The following ZHX2 variants were observed in gnomAD, a reference collection of about 807,000 sequenced individuals.
ZHX2 encodes the protein zinc fingers and homeoboxes 2.
ZHX2 carries 6 observed loss-of-function variants against 21.9 expected under a neutral mutation model. The observed-to-expected ratio is 0.27, with a 90% CI of 0.15 to 0.54. The LOEUF (loss-of-function observed/expected upper bound fraction) is 0.54. ZHX2 is among the 20% of genes least tolerant of loss of function. ZHX2 has a pLI of 0.95. For missense variants in ZHX2, 908 were observed against 1,090.7 expected, an observed-to-expected ratio of 0.83 and a Z score of 2.36; for synonymous variants, 434 against 437.1, an observed-to-expected ratio of 0.99 and a Z score of 0.09.
chr8:122,874,428 G>T (rs1261501147), intron 2 of ZHX2, among the ~76,000 whole-genome samples: 1 of 152,216 alleles, frequency 6.6e-6, no homozygotes, highest in Admixed American at 6.5e-5. Context: ...CGCCTCCTGG[G>T]GTTCAAGCAA....
chr8:122,867,724 A>C (rs1456205132), intron 2 of ZHX2, among the ~76,000 whole-genome samples: 1 of 152,204 alleles, frequency 6.6e-6, no homozygotes, highest in Non-Finnish European at 1.5e-5. Context: ...TGGGAGAGTA[A>C]ATGAGATAAA....
chr8:122,917,075 G>T (rs565967301), intron 2 of ZHX2, among the ~76,000 whole-genome samples: 1 of 152,028 alleles, frequency 6.6e-6, no homozygotes, highest in South Asian at 2.1e-4. Flanking sequence ...GTCATCCAGC[G>T]CATTCATCCC....
intron 1 of ZHX2, among the ~76,000 whole-genome samples, chr8:122,798,723 C>T (rs542562639): frequency 6.6e-6 from 1 of 151,692 alleles, no homozygotes; most frequent in African/African-American, 2.4e-5. Flanking sequence ...GCAGAGGTTG[C>T]AGTGAGTGGA....
At chr8:122,884,850 G>A (rs530829714) in intron 2 of ZHX2, among the ~76,000 whole-genome samples, 1 of 152,316 alleles carries the variant, frequency 6.6e-6, no homozygotes, top group South Asian at 2.1e-4. Context: ...TTCAGAAGAT[G>A]GAGGCAAGCG....
At chr8:122,857,236 G>T (rs1453756960) in intron 1 of ZHX2, among the ~76,000 whole-genome samples, 1 of 152,038 alleles carries the variant, frequency 6.6e-6, no homozygotes, top group African/African-American at 2.4e-5. Context: ...CTAAGGCCAG[G>T]GTTCACCTAA....
chr8:122,792,551 G>A (rs1817537205), intron 1 of ZHX2, among the ~76,000 whole-genome samples: 1 of 152,210 alleles, frequency 6.6e-6, no homozygotes, highest in Non-Finnish European at 1.5e-5. Flanking sequence ...CTGCCAAACA[G>A]TTCCCCAAAG....
At chr8:122,920,602 C>T (rs888292975) in intron 2 of ZHX2, among the ~76,000 whole-genome samples, 2 of 152,170 alleles carry the variant, frequency 1.3e-5, no homozygotes, top group African/African-American at 4.8e-5. Context: ...TGGACTCATG[C>T]GGTGTGGTGT....
intron 1 of ZHX2, among the ~76,000 whole-genome samples, chr8:122,801,185 A>G (rs1817712838): frequency 6.6e-6 from 1 of 152,226 alleles, no homozygotes; most frequent in Non-Finnish European, 1.5e-5. Context: ...TTCTAGGTTC[A>G]CAGAAAGAGA....
intron 2 of ZHX2, among the ~76,000 whole-genome samples, chr8:122,945,702 CAG>C (rs1327661546): frequency 1.3e-5 from 2 of 152,182 alleles, no homozygotes; most frequent in East Asian, 3.9e-4. Context: ...AGGGGCAACA[CAG>C]AGAATAGCTG....
At chr8:122,879,682 C>T (rs902124824) in intron 2 of ZHX2, among the ~76,000 whole-genome samples, 1 of 152,116 alleles carries the variant, frequency 6.6e-6, no homozygotes, top group African/African-American at 2.4e-5. Context: ...TTACCCCAGC[C>T]CTATTTCTAC....
intron 2 of ZHX2, among the ~76,000 whole-genome samples, chr8:122,874,188 T>C (rs2129720042): frequency 6.6e-6 from 1 of 152,296 alleles, no homozygotes; most frequent in Middle Eastern, 3.4e-3. Context: ...TATTCATTCC[T>C]CTTTGCCATT....
At chr8:122,972,204 C>T (rs1197669826) in intron 3 of ZHX2, among the ~76,000 whole-genome samples, 1 of 152,130 alleles carries the variant, frequency 6.6e-6, no homozygotes, top group Non-Finnish European at 1.5e-5. Context: ...CCCTGATGGC[C>T]TCATTCTCAC....
chr8:122,823,093 C>T (rs1055254096), intron 1 of ZHX2, among the ~76,000 whole-genome samples: 1 of 152,178 alleles, frequency 6.6e-6, no homozygotes, highest in African/African-American at 2.4e-5. Context: ...ATGAATACAG[C>T]GTGTGTCCTG....
At chr8:122,807,559 T>G (rs1817848446) in intron 1 of ZHX2, among the ~76,000 whole-genome samples, 1 of 152,226 alleles carries the variant, frequency 6.6e-6, no homozygotes, top group Admixed American at 6.5e-5. Flanking sequence ...AACCAGGGAT[T>G]TGTGGAAAAC....
chr8:122,844,993 A>G (rs1444351090), intron 1 of ZHX2, among the ~76,000 whole-genome samples: 1 of 152,192 alleles, frequency 6.6e-6, no homozygotes, highest in Admixed American at 6.5e-5. Flanking sequence ...GCCCAACCGT[A>G]TCATCCCTAT....
intron 2 of ZHX2, among the ~76,000 whole-genome samples, chr8:122,906,238 CAA>C (rs1190277712): frequency 1.3e-5 from 2 of 152,064 alleles, no homozygotes; most frequent in African/African-American, 4.8e-5. Context: ...GTCAATTAAA[CAA>C]AACTATAAAA....
chr8:122,845,065 C>G (rs998100903), intron 1 of ZHX2, among the ~76,000 whole-genome samples: 2 of 152,156 alleles, frequency 1.3e-5, no homozygotes, highest in African/African-American at 4.8e-5. Context: ...AGGGCAGAAC[C>G]AAAGAACATG....
intron 2 of ZHX2, among the ~76,000 whole-genome samples, chr8:122,903,578 A>T (rs1051374021): frequency 1.3e-5 from 2 of 152,208 alleles, no homozygotes; most frequent in African/African-American, 4.8e-5. Context: ...CCTACAAATG[A>T]AAGGGACCTC....
chr8:122,795,496 G>C (rs1293847774), intron 1 of ZHX2, among the ~76,000 whole-genome samples: 1 of 152,142 alleles, frequency 6.6e-6, no homozygotes, highest in Non-Finnish European at 1.5e-5. Flanking sequence ...GTGGCACATA[G>C]AGCAATATCA....
Sources: gnomAD v4.1 joint callset for allele counts (sites outside exome capture counted in the v4.1 genomes callset) on GRCh38, gnomAD v4.1.1 for gene constraint, MANE v1.5 for transcripts, NCBI Gene and HGNC (gene_info 2026-07-23, HGNC 2026-07-21) for gene names.